Variants in GRAMD1C observed in about 807,000 individuals in gnomAD.
The protein encoded by GRAMD1C is protein Aster-C.
Under a neutral mutation model 97.8 loss-of-function variants are expected in GRAMD1C, and 89 were observed. The observed-to-expected ratio is 0.91, with a 90% CI of 0.77 to 1.09. GRAMD1C has a LOEUF of 1.09. GRAMD1C is among the 50% of genes least tolerant of loss of function. The pLI is 0.00. For synonymous variants in GRAMD1C, 256 were observed against 267.0 expected (o/e 0.96, Z 0.40); for missense variants, 740 against 766.4 (o/e 0.97, Z 0.41).
At chr3:113,854,637 T>C (rs531064776) in intron 2 of GRAMD1C, among the ~76,000 whole-genome samples, 10 of 152,238 alleles carry the variant, frequency 6.6e-5, no homozygotes, top group Admixed American at 1.3e-4. Flanking sequence ...TAATCTTCCT[T>C]TGTAAAATTT....
At position 113,901,032 on chromosome 3, in the gene GRAMD1C, G is replaced by T. The variant is rs764074512; in HGVS notation, c.542G>T (p.Ser181Ile). 9 of 1,509,406 alleles carry T rather than the reference G, an allele frequency of 6.0e-6. No homozygotes were observed. In the East Asian group the frequency reaches 2.0e-4, roughly 34 times the overall value. The allele number at this position is 1,509,406 out of a possible 1,614,324, so 93.5% of individuals were successfully genotyped here. Residue 181 changes from serine to isoleucine, a missense_variant and splice_region_variant, in exon 7 of 18, where the codon AGC (serine) becomes ATC (isoleucine). Ser to Ile is a moderately radical substitution (Grantham distance 142, BLOSUM62 -2). Coordinates refer to ENST00000358160, the MANE Select transcript of GRAMD1C (RefSeq NM_017577.5). ...RLWQNVLLDK[S>I]LTRQEFWQLL... ...AGTGTAATTTTTCTGTCACTTTAGA[G>T]CCTGACTAGACAGGAATTCTGGCAA...
At chr3:113,833,886 C>A (rs1709597543), upstream of GRAMD1C, among the ~76,000 whole-genome samples, 1 of 152,164 alleles carries the variant, frequency 6.6e-6, no homozygotes, top group African/African-American at 2.4e-5. Flanking sequence ...CCCACTCTGC[C>A]ATTTTCGTTG....
At chr3:113,917,856 CTTTTTTTTT>C (rs71144097) in intron 10 of GRAMD1C, among the ~76,000 whole-genome samples, 1 of 41,868 alleles carries the variant, frequency 2.4e-5, no homozygotes, top group Admixed American at 3.7e-4. Context: ...CCATGCTTGG[CTTTTTTTTT>C]TTTTTTTTTT....
intron 6 of GRAMD1C, among the ~76,000 whole-genome samples, chr3:113,900,507 G>C (rs544993214): frequency 6.7e-6 from 1 of 149,556 alleles, no homozygotes; most frequent in Non-Finnish European, 1.5e-5. Flanking sequence ...TGCAACCTCC[G>C]CCCCCTGGGT....
At position 113,933,566 on chromosome 3, in the gene GRAMD1C, T is replaced by G; in HGVS notation, c.1265T>G (p.Leu422Arg). The G allele has an allele frequency of 6.2e-7, 1 of 1,601,492 alleles. No individual in the cohort carries two copies. The highest frequency in any genetic ancestry group is 1.7e-5 in the Admixed American group (1 of 60,016). Residue 422 changes from leucine (L) to arginine (R), a missense_variant, in exon 12 of 18, where the codon CTG becomes CGG. Leu to Arg is a moderately radical substitution (Grantham distance 102). Transcript: ENST00000358160. ...ARFYLVDSEV[L>R]THDVPYHDYF... ...TTTTATTTGGTAGATTCAGAAGTAC[T>G]GACACATGATGTCCCCTACCATGAT... is the stretch of plus-strand genomic sequence containing the variant.
At position 113,901,276 on chromosome 3, in the gene GRAMD1C, G is replaced by A; in HGVS notation, c.656+130G>A. 5.1e-6 allele frequency: 3 copies of A among 592,894 alleles called. No homozygotes were observed. The South Asian group carries it at 5.6e-5, about 11-fold the overall frequency. The allele number at this position is 592,894 out of a possible 1,614,324, so 36.7% of individuals were successfully genotyped here. A position where few individuals can be genotyped will look rare whatever the true frequency, so the allele number is the denominator to read the frequency against. On this transcript the variant is annotated intron_variant, in intron 7 of 17. Coordinates refer to ENST00000358160, the MANE Select transcript of GRAMD1C (RefSeq NM_017577.5). The stretch of plus-strand genomic sequence containing the variant: ...GCCATTTGCCCCTTTGTTCTTTGTG[G>A]TGGAATGGGGTGAAAGGTGGGGACA...
chr3:113,921,326 G>T (rs1937047296), intron 10 of GRAMD1C, among the ~76,000 whole-genome samples: 1 of 152,166 alleles, frequency 6.6e-6, no homozygotes, highest in Admixed American at 6.5e-5. Context: ...GGGCATCTAG[G>T]TTGATTGCAT....
intron 6 of GRAMD1C, among the ~76,000 whole-genome samples, chr3:113,886,619 A>G (rs1337532349): frequency 6.6e-6 from 1 of 151,724 alleles, no homozygotes; most frequent in African/African-American, 2.4e-5. Flanking sequence ...ACACATTATA[A>G]CTTTGAAAAA....
chr3:113,844,621 A>G lies in GRAMD1C; in HGVS notation c.146A>G (p.His49Arg), dbSNP rs552290581. The G allele has an allele frequency of 5.9e-5, 95 of 1,602,622 alleles. 1 individual carries two copies. In the Middle Eastern group the frequency reaches 9.9e-4, roughly 17 times the overall value. Reference protein sequence around the residue: ...VVVKKQGPNLHNWSGDWSFWI... With the variant: ...VVVKKQGPNLRNWSGDWSFWI... Reference sequence around the variant, plus strand: ...GTTAAAAAACAGGGGCCAAATTTACATAATTGGAGTGGTGACTGGAGCTTT... The same window carrying G: ...GTTAAAAAACAGGGGCCAAATTTACGTAATTGGAGTGGTGACTGGAGCTTT... The change falls in exon 2 of 18, where the codon CAT becomes CGT. Residue 49 changes from histidine (H) to arginine (R), a missense_variant. Transcript: ENST00000358160.
chr3:113,923,802 T>C (rs534781510), intron 10 of GRAMD1C, among the ~76,000 whole-genome samples: 1 of 152,288 alleles, frequency 6.6e-6, no homozygotes, highest in South Asian at 2.1e-4. Context: ...TAGAATGAGT[T>C]AGGGAGAAGT....
chr3:113,936,775 T>G (rs1041195962), intron 14 of GRAMD1C: 1 of 167,236 alleles, frequency 6.0e-6, no homozygotes, highest in Admixed American at 6.2e-5. Context: ...CATGGCTCAG[T>G]GTAACCTCGG....
chr3:113,843,059 T>G (rs1933429630), intron 1 of GRAMD1C, among the ~76,000 whole-genome samples: 1 of 141,866 alleles, frequency 7.0e-6, no homozygotes, highest in Admixed American at 7.1e-5. Context: ...GTTTTTTTTT[T>G]TTTTTTTTTT....
rs184178921 is a variant in GRAMD1C, at chr3:113,944,500, T to C, written c.1909-898T>C. Among the ~76,000 whole-genome samples the C allele has an allele frequency of 3.0e-3, 458 of 152,324 alleles. 2 individuals carry two copies. Among genetic ancestry groups the C allele is most frequent in the African/African-American group, 0.011 (438 of 41,572 alleles). On this transcript the variant is annotated intron_variant, in intron 17 of 17. Transcript: ENST00000358160. ...ATCTTCACCTGGATGACTAACAGGA[T>C]TCCCAAACTGATTATGTCCAAAACA...
At chr3:113,850,412 C>T (rs965468921) in intron 2 of GRAMD1C, 10 of 1,030,886 alleles carry the variant, frequency 9.7e-6, no homozygotes, top group Non-Finnish European at 1.4e-5. Flanking sequence ...ACCCTCCAGA[C>T]CTTTAGGCCA....
intron 10 of GRAMD1C, chr3:113,919,475 C>A: frequency 1.9e-6 from 1 of 522,516 alleles, no homozygotes; most frequent in South Asian, 1.5e-5. Flanking sequence ...GAGTAATGCT[C>A]ATGAATTTAT....
chr3:113,843,050 T>G (rs974806740), intron 1 of GRAMD1C, among the ~76,000 whole-genome samples: 9 of 43,348 alleles, frequency 2.1e-4, no homozygotes, highest in Non-Finnish European at 2.8e-4. Context: ...CCATAAGCTG[T>G]TTTTTTTTTT....
chr3:113,915,920 T>C, intron 10 of GRAMD1C, 82 bp downstream of exon 10: 1 of 1,082,154 alleles, frequency 9.2e-7, no homozygotes, highest in South Asian at 1.4e-5. Context: ...TAAACTGATT[T>C]ATGTTGTGAG....
intron 2 of GRAMD1C, among the ~76,000 whole-genome samples, chr3:113,867,356 G>A (rs1206437072): frequency 1.3e-5 from 2 of 152,006 alleles, no homozygotes; most frequent in Admixed American, 6.6e-5. Context: ...GCAGTGGTGC[G>A]ATCTGGGCTC....
rs1937102394 is a variant in GRAMD1C, at chr3:113,922,689, T to C, written c.1090+6851T>C. Among the ~76,000 whole-genome samples the C allele has an allele frequency of 2.0e-5, 3 of 152,322 alleles. No homozygotes were observed. The South Asian group carries it at 6.2e-4, about 32-fold the overall frequency. On this transcript the variant is annotated intron_variant, in intron 10 of 17. Coordinates refer to ENST00000358160, the MANE Select transcript of GRAMD1C (RefSeq NM_017577.5). ...TTTTGGTTACGGTTGTCTTATAGTA[T>C]AGCTTGAAATTGGGTATTGTGATGC...
Sources: gnomAD v4.1 joint callset for allele counts (sites outside exome capture counted in the v4.1 genomes callset) on GRCh38, gnomAD v4.1.1 for gene constraint, MANE v1.5 for transcripts, NCBI Gene and HGNC (gene_info 2026-07-23, HGNC 2026-07-21) for gene names.